PDE10A: variants seen among roughly 807,000 people sequenced by gnomAD.
PDE10A encodes the protein phosphodiesterase 10A, also known as cAMP and cAMP-inhibited cGMP 3',5'-cyclic phosphodiesterase 10A.
In PDE10A, 39 loss-of-function variants were observed where a neutral mutation model predicts 97.7. That is an observed-to-expected ratio of 0.40 (90% CI 0.31 to 0.52). PDE10A has a LOEUF of 0.52. Ranked by LOEUF, PDE10A falls within the 20% of genes least tolerant of loss-of-function variation. PDE10A has a pLI of 0.56. For synonymous variants in PDE10A, 371 were observed against 376.8 expected (o/e 0.98, Z 0.18); for missense variants, 731 against 1,047.8 (o/e 0.70, Z 4.17).
intron 13 of PDE10A, 102 bp from the exon 14 acceptor site, chr6:165,396,561 A>C (rs547082081): frequency 8.8e-7 from 1 of 1,137,958 alleles, no homozygotes; most frequent in African/African-American, 1.6e-5. Flanking sequence ...CAGAACTAGA[A>C]TTAAAACCAA....
At chr6:165,983,067 C>T (rs979102499) in intron 1 of PDE10A, among the ~76,000 whole-genome samples, 48 of 151,918 alleles carry the variant, frequency 3.2e-4, no homozygotes, top group Non-Finnish European at 5.9e-4. Flanking sequence ...CACAATTTTA[C>T]GACACACACA....
intron 1 of PDE10A, among the ~76,000 whole-genome samples, chr6:165,871,322 G>A (rs1781198574): frequency 6.6e-6 from 1 of 152,198 alleles, no homozygotes; most frequent in African/African-American, 2.4e-5. Flanking sequence ...AATAAAAAAT[G>A]TGTGCTTTAC....
chr6:165,673,378 T>G (rs545231404), intron 1 of PDE10A, among the ~76,000 whole-genome samples: 20 of 152,338 alleles, frequency 1.3e-4, no homozygotes, highest in African/African-American at 4.3e-4. Context: ...GAGAAAAGCA[T>G]AGCCATGCAA....
Position 165,689,826 on chromosome 6 carries a change from A to G in PDE10A, c.-614-146258T>C, listed in dbSNP as rs1217647908. ...AGACAATCGCTAAAGTGTCCAGCCC[A>G]TGGTACGAGCTCAATACATGAAGAT... On this transcript the variant is annotated intron_variant, in intron 1 of 19. Coordinates refer to the PDE10A transcript ENST00000366882. Among the ~76,000 whole-genome samples the G allele has an allele frequency of 3.9e-5, 6 of 152,260 alleles. No homozygotes were observed. In the South Asian group the frequency reaches 6.2e-4, roughly 16 times the overall value.
intron 1 of PDE10A, among the ~76,000 whole-genome samples, chr6:165,721,846 T>C (rs367583591): frequency 3.6e-4 from 55 of 152,308 alleles, no homozygotes; most frequent in African/African-American, 1.3e-3. Flanking sequence ...TATACTGATA[T>C]ATAAATGAAG....
At chr6:165,548,469 T>G (rs747578983) in intron 1 of PDE10A, among the ~76,000 whole-genome samples, 1 of 152,144 alleles carries the variant, frequency 6.6e-6, no homozygotes, top group Admixed American at 6.5e-5. Flanking sequence ...TTTTTAGTCC[T>G]ATGGTTTACT....
At chr6:165,567,527 A>G (rs1262030648) in intron 1 of PDE10A, among the ~76,000 whole-genome samples, 1 of 152,182 alleles carries the variant, frequency 6.6e-6, no homozygotes, top group Non-Finnish European at 1.5e-5. Flanking sequence ...CACTGCTAAT[A>G]GTGCCTTTTC....
chr6:165,382,049 AG>A (rs1297913866), intron 17 of PDE10A, among the ~76,000 whole-genome samples: 13 of 152,174 alleles, frequency 8.5e-5, no homozygotes, highest in Non-Finnish European at 1.2e-4. Context: ...AGCATGAAAT[AG>A]TAGACTTTTT....
intron 5 of PDE10A, among the ~76,000 whole-genome samples, chr6:165,442,461 T>C (rs1381155812): frequency 6.6e-6 from 1 of 152,122 alleles, no homozygotes; most frequent in Non-Finnish European, 1.5e-5. Context: ...TCAGGAAACT[T>C]ATAATCACAG....
intron 1 of PDE10A, among the ~76,000 whole-genome samples, chr6:165,891,733 T>C (rs1180719574): frequency 6.6e-6 from 1 of 151,926 alleles, no homozygotes; most frequent in African/African-American, 2.4e-5. Flanking sequence ...TCTTCTTCGT[T>C]GACTGGAAAT....
chr6:165,336,046 A>T, intron 21 of PDE10A, 77 bp downstream of exon 21: 1 of 1,065,284 alleles, frequency 9.4e-7, no homozygotes, highest in Non-Finnish European at 1.5e-6. Flanking sequence ...ACAACACACT[A>T]GTGGGGTACA....
At chr6:165,808,674 C>G (rs1052729307) in intron 1 of PDE10A, among the ~76,000 whole-genome samples, 13 of 152,216 alleles carry the variant, frequency 8.5e-5, no homozygotes, top group African/African-American at 2.9e-4. Flanking sequence ...CTGCACAACT[C>G]AAACTCCCTG....
chr6:165,577,738 G>A (rs9348017), intron 1 of PDE10A, among the ~76,000 whole-genome samples: 6,984 of 152,230 alleles, frequency 0.046, 437 homozygotes, highest in East Asian at 0.32. Flanking sequence ...CAGCCACAGC[G>A]AAGGTGGCAC....
Position 165,708,771 on chromosome 6 carries a change from C to A in PDE10A, c.-614-165203G>T, listed in dbSNP as rs1167325662. Among the ~76,000 whole-genome samples, 107 of 47,488 alleles carry A rather than the reference C, an allele frequency of 2.3e-3. 4 individuals carry two copies. The highest frequency in any genetic ancestry group is 3.3e-3 in the African/African-American group (32 of 9,576). 31.2% of individuals were successfully genotyped at this position (47,488 alleles called of 152,430 possible). On this transcript the variant is annotated intron_variant, in intron 1 of 19. Coordinates refer to the PDE10A transcript ENST00000366882. Reference sequence around the variant, plus strand: ...CCACCGCCATGCTGCCACGCTCACCCCCCACTCTCCACCCACATGCTGCCG... The same window carrying A: ...CCACCGCCATGCTGCCACGCTCACCACCCACTCTCCACCCACATGCTGCCG...
At chr6:165,583,112 T>C (rs1220007269) in intron 1 of PDE10A, among the ~76,000 whole-genome samples, 1 of 152,216 alleles carries the variant, frequency 6.6e-6, no homozygotes, top group African/African-American at 2.4e-5. Context: ...AGTATACTAA[T>C]CATTTTCCAT....
chr6:165,638,112 T>C (rs1367649834), intron 1 of PDE10A, among the ~76,000 whole-genome samples: 2 of 152,172 alleles, frequency 1.3e-5, no homozygotes, highest in Non-Finnish European at 2.9e-5. Context: ...CAACATGGTA[T>C]CTAATCAGAT....
intron 1 of PDE10A, among the ~76,000 whole-genome samples, chr6:165,826,316 G>T (rs1779744745): frequency 6.7e-6 from 1 of 149,844 alleles, no homozygotes; most frequent in Non-Finnish European, 1.5e-5. Flanking sequence ...ATGTCCCTCT[G>T]TCCCTGCATC....
At chr6:165,423,212 C>A (rs1788850329) in intron 10 of PDE10A, among the ~76,000 whole-genome samples, 1 of 152,144 alleles carries the variant, frequency 6.6e-6, no homozygotes, top group Non-Finnish European at 1.5e-5. Context: ...CCTGAACATT[C>A]AATGGCTTTT....
At chr6:165,435,080 C>CA (rs1387032980) in intron 6 of PDE10A, among the ~76,000 whole-genome samples, 157 bp downstream of exon 6, 7 of 152,104 alleles carry the variant, frequency 4.6e-5, no homozygotes, top group African/African-American at 1.7e-4. Flanking sequence ...TTTCTGAGTA[C>CA]AAAAAATTAA....
Sources: gnomAD v4.1 joint callset for allele counts (sites outside exome capture counted in the v4.1 genomes callset) on GRCh38, gnomAD v4.1.1 for gene constraint, MANE v1.5 for transcripts, NCBI Gene and HGNC (gene_info 2026-07-23, HGNC 2026-07-21) for gene names.